Variants in NFIB observed in about 807,000 individuals in gnomAD.
NFIB encodes the protein nuclear factor I B, also known as nuclear factor 1 B-type.
In NFIB, 11 loss-of-function variants were observed where a neutral mutation model predicts 61.5. That is an observed-to-expected ratio of 0.18 (90% CI 0.11 to 0.30). NFIB has a LOEUF of 0.30. Among genes scored for constraint, NFIB ranks in the 10% least tolerant of loss-of-function variants. The pLI is 1.00. For synonymous variants in NFIB, 260 were observed against 216.5 expected (o/e 1.20, Z -1.76); for missense variants, 471 against 608.9 (o/e 0.77, Z 2.38).
the NFIB span, among the ~76,000 whole-genome samples, chr9:14,492,564 C>A: frequency 6.6e-6 from 1 of 151,852 alleles, no homozygotes; most frequent in Non-Finnish European, 1.5e-5. Context: ...ATGGCCAGAG[C>A]AGGAAGAAGA....
At chr9:14,099,652 T>C (rs73409957) in intron 10 of NFIB, among the ~76,000 whole-genome samples, 2,337 of 152,338 alleles carry the variant, frequency 0.015, 63 homozygotes, top group African/African-American at 0.053. Context: ...ACTGTCAGCA[T>C]TGGATTCACC....
intron 10 of NFIB, among the ~76,000 whole-genome samples, chr9:14,099,846 G>A (rs1032194047): frequency 6.6e-6 from 1 of 152,190 alleles, no homozygotes; most frequent in Non-Finnish European, 1.5e-5. Context: ...GCCAAGGCGA[G>A]CAGATCACTT....
At chr9:14,150,401 A>C in intron 4 of NFIB, 136 bp from the exon 5 acceptor site, 2 of 1,412,148 alleles carry the variant, frequency 1.4e-6, no homozygotes, top group Non-Finnish European at 1.9e-6. Context: ...TCTAATACCC[A>C]CCATACAACC....
chr9:14,148,959 G>C (rs1243740292), intron 5 of NFIB, among the ~76,000 whole-genome samples: 2 of 152,108 alleles, frequency 1.3e-5, no homozygotes, highest in East Asian at 3.9e-4. Context: ...ACATGCATAA[G>C]GAAGTACTAG....
chr9:14,408,838 T>C, the NFIB span, among the ~76,000 whole-genome samples: 1 of 152,192 alleles, frequency 6.6e-6, no homozygotes, highest in Non-Finnish European at 1.5e-5. Flanking sequence ...TTCATAAATA[T>C]CATTTTTTTA....
the NFIB span, among the ~76,000 whole-genome samples, chr9:14,474,425 C>T: frequency 6.6e-6 from 1 of 152,196 alleles, no homozygotes; most frequent in African/African-American, 2.4e-5. Flanking sequence ...AACACTATCA[C>T]ATTGGGGATT....
At chr9:14,439,346 G>A in the NFIB span, among the ~76,000 whole-genome samples, 1 of 152,308 alleles carries the variant, frequency 6.6e-6, no homozygotes, top group East Asian at 1.9e-4. Flanking sequence ...CTCCAGCCTG[G>A]GTGACAGAAC....
At chr9:14,445,141 GA>G in the NFIB span, among the ~76,000 whole-genome samples, 2 of 152,086 alleles carry the variant, frequency 1.3e-5, no homozygotes, top group African/African-American at 4.8e-5. Flanking sequence ...TGGTATATAG[GA>G]ATGTAGTTGA....
Position 14,307,309 on chromosome 9 carries a change from C to T in NFIB, c.242G>A (p.Arg81His). ...TCGATACTCCTGGCGAATATCTTTG[C>T]GCAGTTTGGCAAGGAGCCTGGATGC... ...KWASRLLAKLRKDIRQEYRED... is the reference protein window; with the variant it reads ...KWASRLLAKLHKDIRQEYRED... The change falls in exon 2 of 11, where the codon CGC becomes CAC. Residue 81 changes from arginine (R) to histidine (H), a missense_variant. By Grantham distance (29) the Arg-to-His change is conservative. Around this residue, in one of 2 missense-constraint regions of NFIB, gnomAD observed 99 missense variants for 213.3 expected, o/e 0.46. Transcript: ENST00000380953. This position sits in a 1 kb window ranked among gnomAD's most constrained non-coding sequence, Gnocchi z 5.3. 2 of 1,613,980 alleles carry T rather than the reference C, an allele frequency of 1.2e-6. No individual in the cohort carries two copies. Among genetic ancestry groups the T allele is most frequent in the Non-Finnish European group, 1.7e-6 (2 of 1,179,966 alleles).
intron 3 of NFIB, among the ~76,000 whole-genome samples, chr9:14,156,421 T>C (rs1464350658): frequency 2.0e-5 from 3 of 152,236 alleles, no homozygotes; most frequent in African/African-American, 4.8e-5. Flanking sequence ...AGAACTTGTA[T>C]ATACAGCAAA....
chr9:14,425,008 G>A, the NFIB span, among the ~76,000 whole-genome samples: 25 of 152,206 alleles, frequency 1.6e-4, no homozygotes, highest in Admixed American at 5.2e-4. Flanking sequence ...TAGAGACAAG[G>A]AAGGAGTAGT....
chr9:14,364,684 A>C (rs1482363641), intron 1 of NFIB, among the ~76,000 whole-genome samples: 1 of 152,232 alleles, frequency 6.6e-6, no homozygotes, highest in Non-Finnish European at 1.5e-5. Flanking sequence ...AGTGACCCTG[A>C]GCCAGCCCTT....
chr9:14,267,082 A>G (rs59561823), intron 2 of NFIB, among the ~76,000 whole-genome samples: 23 of 152,310 alleles, frequency 1.5e-4, no homozygotes, highest in African/African-American at 4.8e-4. Flanking sequence ...AGTTCTCATC[A>G]TAAGATGAAA....
At chr9:14,238,605 T>G (rs1239127549) in intron 2 of NFIB, among the ~76,000 whole-genome samples, 1 of 152,156 alleles carries the variant, frequency 6.6e-6, no homozygotes, top group Non-Finnish European at 1.5e-5. Context: ...CAAAAGCATT[T>G]CCTTCTGTAA....
intron 1 of NFIB, among the ~76,000 whole-genome samples, chr9:14,349,585 T>A (rs1249940491): frequency 6.6e-6 from 1 of 152,096 alleles, no homozygotes; most frequent in Non-Finnish European, 1.5e-5. Flanking sequence ...GATCTGTGGC[T>A]GGGGAACAGC....
At chr9:14,304,040 G>A (rs1037254601) in intron 2 of NFIB, among the ~76,000 whole-genome samples, 1 of 152,150 alleles carries the variant, frequency 6.6e-6, no homozygotes, top group Non-Finnish European at 1.5e-5. Context: ...ATAACAAAGA[G>A]ATTTAGCTTT....
chr9:14,249,670 AAG>A (rs1469049538), intron 2 of NFIB, among the ~76,000 whole-genome samples: 2 of 152,088 alleles, frequency 1.3e-5, no homozygotes, highest in East Asian at 1.9e-4. Flanking sequence ...GAAAGGAAGG[AAG>A]AGAGAGAGGG....
chr9:14,482,058 C>G, the NFIB span, among the ~76,000 whole-genome samples: 5 of 150,876 alleles, frequency 3.3e-5, no homozygotes, highest in Non-Finnish European at 7.4e-5. Flanking sequence ...AATACTGAGA[C>G]GATGCCCCAC....
chr9:14,251,992 CATTA>C (rs1217681188), intron 2 of NFIB, among the ~76,000 whole-genome samples: 1 of 152,286 alleles, frequency 6.6e-6, no homozygotes, highest in East Asian at 1.9e-4. Context: ...GGTAGTAAGA[CATTA>C]ATTAATTTTT....
Sources: gnomAD v4.1 joint callset for allele counts (sites outside exome capture counted in the v4.1 genomes callset) on GRCh38, gnomAD v4.1.1 for gene constraint, gnomAD v4.1.1 regional missense constraint, Gnocchi (gnomAD v3.1) non-coding constraint, MANE v1.5 for transcripts, NCBI Gene and HGNC (gene_info 2026-07-23, HGNC 2026-07-21) for gene names.